NALF1: variants seen among roughly 807,000 people sequenced by gnomAD.
NALF1 encodes the protein NALCN channel auxiliary factor 1.
NALF1 carries 3 observed loss-of-function variants against 48.4 expected under a neutral mutation model. The ratio of observed to expected loss-of-function variants is 0.06; its 90% CI spans 0.03 to 0.16. The LOEUF (loss-of-function observed/expected upper bound fraction) is 0.16, where lower values mean the gene tolerates loss of function less well. NALF1 is among the 10% of genes least tolerant of loss of function. The probability of loss-of-function intolerance (pLI) is 1.00; values close to 1 mark genes in which losing one functional copy is unlikely to be tolerated. For missense variants in NALF1, 526 were observed against 571.5 expected (o/e 0.92, Z 0.81); for synonymous variants, 262 against 245.7 (o/e 1.07, Z -0.62).
intron 1 of NALF1, among the ~76,000 whole-genome samples, chr13:107,763,471 C>CAAAAAAAA (rs750250035): frequency 1.3e-5 from 1 of 79,154 alleles, no homozygotes. Flanking sequence ...TATTAAAATT[C>CAAAAAAAA]AAAAAAAAAA....
At chr13:107,840,270 T>C (rs1880007895) in intron 1 of NALF1, among the ~76,000 whole-genome samples, 1 of 152,170 alleles carries the variant, frequency 6.6e-6, no homozygotes, top group Non-Finnish European at 1.5e-5. Flanking sequence ...GAAGAGTATG[T>C]AGGTCAGGGT....
At chr13:107,176,960 C>T (rs2769891) in intron 2 of NALF1, among the ~76,000 whole-genome samples, 102,369 of 151,508 alleles carry the variant, frequency 0.68, 34,878 homozygotes, top group African/African-American at 0.78. Context: ...GTCATAATTT[C>T]ATATATGGGA....
intron 1 of NALF1, among the ~76,000 whole-genome samples, chr13:107,240,806 C>A (rs1880450753): frequency 6.6e-6 from 1 of 151,508 alleles, no homozygotes; most frequent in South Asian, 2.1e-4. Context: ...AAAGATATTT[C>A]ACCTTTTTTT....
intron 1 of NALF1, among the ~76,000 whole-genome samples, chr13:107,500,268 A>G (rs867774533): frequency 6.6e-6 from 1 of 152,162 alleles, no homozygotes; most frequent in African/African-American, 2.4e-5. Flanking sequence ...GGTAACAAAT[A>G]AAGAATAGAA....
At chr13:107,229,676 A>C (rs182643454) in intron 1 of NALF1, among the ~76,000 whole-genome samples, 1 of 152,262 alleles carries the variant, frequency 6.6e-6, no homozygotes, top group East Asian at 1.9e-4. Context: ...CCTGGTGTTA[A>C]ATCAATTCCC....
At chr13:107,518,209 T>A (rs1263890140) in intron 1 of NALF1, among the ~76,000 whole-genome samples, 1 of 152,210 alleles carries the variant, frequency 6.6e-6, no homozygotes, top group African/African-American at 2.4e-5. Context: ...AATTCGGTAC[T>A]GGCACAGAAA....
chr13:107,404,383 T>G (rs1883864491), intron 1 of NALF1, among the ~76,000 whole-genome samples: 2 of 152,070 alleles, frequency 1.3e-5, no homozygotes, highest in Non-Finnish European at 2.9e-5. Flanking sequence ...TTCAAAGATT[T>G]GTCCCATAAG....
intron 1 of NALF1, among the ~76,000 whole-genome samples, chr13:107,722,548 G>A (rs1344082065): frequency 2.0e-5 from 3 of 152,142 alleles, no homozygotes; most frequent in Non-Finnish European, 4.4e-5. Flanking sequence ...CAGGAGTGCA[G>A]CCTCTCCTGC....
chr13:107,824,067 T>C (rs1879439364), intron 1 of NALF1, among the ~76,000 whole-genome samples: 1 of 152,082 alleles, frequency 6.6e-6, no homozygotes. Flanking sequence ...GTGTACCAGC[T>C]CATGGTATAT....
chr13:107,777,462 G>A (rs933375187), intron 1 of NALF1, among the ~76,000 whole-genome samples: 3 of 152,182 alleles, frequency 2.0e-5, no homozygotes, highest in Admixed American at 1.3e-4. Flanking sequence ...TTTGGATCAC[G>A]GGGGCAGATC....
At chr13:107,681,897 C>T (rs2138496507) in intron 1 of NALF1, among the ~76,000 whole-genome samples, 1 of 152,272 alleles carries the variant, frequency 6.6e-6, no homozygotes, top group Middle Eastern at 3.4e-3. Context: ...ATTCCTCCTC[C>T]TCTCCACTAC....
Position 107,688,815 on chromosome 13 carries a change from T to C in NALF1, c.915+176867A>G, listed in dbSNP as rs537775617. 3.9e-5 allele frequency among the ~76,000 whole-genome samples: 6 copies of C among 152,192 alleles called. No homozygotes were observed. The South Asian group carries it at 8.3e-4, about 21-fold the overall frequency. ...TGGGCGAAATCCCTCTCTGAATACA[T>C]AGAGGTCAGAGGCAGAGGTTGGCAG... On this transcript the variant is annotated intron_variant, in intron 1 of 2. Transcript: ENST00000375915.
intron 1 of NALF1, among the ~76,000 whole-genome samples, chr13:107,424,294 T>A (rs1452762071): frequency 1.3e-5 from 2 of 152,136 alleles, no homozygotes; most frequent in Admixed American, 6.6e-5. Flanking sequence ...CACACCACCA[T>A]GCCTGGCTAA....
chr13:107,617,490 A>G (rs2138437777), intron 1 of NALF1, among the ~76,000 whole-genome samples: 1 of 152,316 alleles, frequency 6.6e-6, no homozygotes, highest in East Asian at 1.9e-4. Flanking sequence ...GAAGATTTTG[A>G]TCCTATACAC....
chr13:107,509,673 G>C (rs761946937), intron 1 of NALF1, among the ~76,000 whole-genome samples: 1 of 152,106 alleles, frequency 6.6e-6, no homozygotes, highest in Admixed American at 6.6e-5. Flanking sequence ...AATACAATCA[G>C]AAGTCAGCAA....
At chr13:107,345,646 T>C (rs1882757783) in intron 1 of NALF1, among the ~76,000 whole-genome samples, 1 of 152,116 alleles carries the variant, frequency 6.6e-6, no homozygotes, top group African/African-American at 2.4e-5. Flanking sequence ...TCAAAATGGA[T>C]TAAGTGCCTA....
At chr13:107,821,737 G>A (rs1879366134) in intron 1 of NALF1, among the ~76,000 whole-genome samples, 1 of 152,152 alleles carries the variant, frequency 6.6e-6, no homozygotes, top group South Asian at 2.1e-4. Flanking sequence ...GGTGACTAGT[G>A]TAATCCAAAT....
Position 107,758,336 on chromosome 13 carries a change from C to G in NALF1, c.915+107346G>C, listed in dbSNP as rs187644032. The stretch of plus-strand genomic sequence containing the variant: ...TTCCCACTTACTATAAATCTCAAAT[C>G]AGCAAAGCTATAAAACAATTCATTT... On this transcript the variant is annotated intron_variant, in intron 1 of 2. Transcript: ENST00000375915. Among the ~76,000 whole-genome samples the G allele has an allele frequency of 2.0e-5, 3 of 152,294 alleles. No individual in the cohort carries two copies. The East Asian group carries it at 5.8e-4, about 29-fold the overall frequency.
intron 1 of NALF1, among the ~76,000 whole-genome samples, chr13:107,807,713 A>T (rs1878845218): frequency 6.6e-6 from 1 of 152,190 alleles, no homozygotes; most frequent in Non-Finnish European, 1.5e-5. Context: ...TAGGAAAATT[A>T]CTTTTTTCTC....
Sources: gnomAD v4.1 joint callset for allele counts (sites outside exome capture counted in the v4.1 genomes callset) on GRCh38, gnomAD v4.1.1 for gene constraint, MANE v1.5 for transcripts, NCBI Gene and HGNC (gene_info 2026-07-23, HGNC 2026-07-21) for gene names.